AFF2: variants seen among roughly 807,000 people sequenced by gnomAD.
AFF2 encodes AF4/FMR2 family member 2.
In AFF2, 14 loss-of-function variants were observed where a neutral mutation model predicts 76.9. The observed-to-expected ratio is 0.18, with a 90% CI of 0.12 to 0.28. The LOEUF (loss-of-function observed/expected upper bound fraction) is 0.28, where lower values mean the gene tolerates loss of function less well. Ranked by LOEUF, AFF2 falls within the 10% of genes least tolerant of loss-of-function variation. The pLI is 1.00. For missense variants in AFF2, 868 were observed against 1,001.1 expected, an observed-to-expected ratio of 0.87 and a Z score of 1.79; for synonymous variants, 398 against 366.7, an observed-to-expected ratio of 1.09 and a Z score of -0.98.
At chrX:148,884,719 G>A (rs900375423) in intron 7 of AFF2, among the ~76,000 whole-genome samples, 2 of 112,404 alleles carry the variant, frequency 1.8e-5, no homozygotes, top group East Asian at 2.8e-4. Context: ...TGGGAATTAC[G>A]GACTAGTGGG....
intron 3 of AFF2, among the ~76,000 whole-genome samples, chrX:148,680,546 A>C (rs2054536006): frequency 8.9e-6 from 1 of 111,778 alleles, no homozygotes; most frequent in African/African-American, 3.3e-5. Context: ...AAATTAAAAA[A>C]AAAATCAACT....
chrX:148,718,076 A>G (rs2055047971), intron 3 of AFF2, among the ~76,000 whole-genome samples: 1 of 109,767 alleles, frequency 9.1e-6, no homozygotes, highest in Admixed American at 9.7e-5. Flanking sequence ...TATCTCATAT[A>G]AAGGAGTGTG....
rs782435208 is a variant in AFF2, at chrX:148,885,877, A to G, written c.1263-12A>G. On this transcript the variant is annotated splice_polypyrimidine_tract_variant and intron_variant, in intron 7 of 20. Coordinates refer to ENST00000370460, the MANE Select transcript of AFF2 (RefSeq NM_002025.4). ...GCCTTCTAACTCAAACACCACTCTG[A>G]TCTCTTTGTAGGATGCTTGAGGATG... The G allele has an allele frequency of 1.6e-5, 19 of 1,196,039 alleles. No individual in the cohort carries two copies. The highest frequency in any genetic ancestry group is 1.9e-5 in the Non-Finnish European group (17 of 883,106).
intron 4 of AFF2, among the ~76,000 whole-genome samples, chrX:148,828,265 C>T (rs544716486): frequency 9.0e-6 from 1 of 111,517 alleles, no homozygotes; most frequent in Middle Eastern, 4.6e-3. Flanking sequence ...AAGAACTGGC[C>T]CTGAAGAAAC....
At chrX:148,754,473 A>G (rs1250782426) in intron 3 of AFF2, among the ~76,000 whole-genome samples, 1 of 110,770 alleles carries the variant, frequency 9.0e-6, no homozygotes, top group East Asian at 2.8e-4. Flanking sequence ...TCAGGAAGGC[A>G]TGAAGAGGGC....
chrX:148,778,616 G>C (rs1444102700), intron 3 of AFF2, among the ~76,000 whole-genome samples: 4 of 111,542 alleles, frequency 3.6e-5, no homozygotes, highest in Non-Finnish European at 5.7e-5. Flanking sequence ...ATTTCTTCTA[G>C]ATTTTCTAGT....
chrX:148,717,137 A>G (rs1327302186), intron 3 of AFF2, among the ~76,000 whole-genome samples: 3 of 112,018 alleles, frequency 2.7e-5, no homozygotes, highest in Non-Finnish European at 5.6e-5. Flanking sequence ...ATTATTCATA[A>G]TAGCCCCAAA....
In AFF2 at chrX:148,787,312, C is replaced by CTGTG. The variant is rs370207937; in HGVS notation, c.1042-22548_1042-22545dup. On this transcript the variant is annotated intron_variant, in intron 3 of 20. Coordinates refer to ENST00000370460, the MANE Select transcript of AFF2 (RefSeq NM_002025.4). ...TTGTGAGGAACAATCAACATTGCGG[C>CTGTG]TGTGTGTGTGTGTGTGTGTATGTGT... is the stretch of plus-strand genomic sequence containing the variant. Among the ~76,000 whole-genome samples the CTGTG allele has an allele frequency of 5.7e-3, 616 of 108,125 alleles. 2 individuals are homozygous for CTGTG. Among genetic ancestry groups the CTGTG allele is most frequent in the African/African-American group, 0.019 (553 of 29,842 alleles). 93.9% of individuals were successfully genotyped at this position (108,125 alleles called of 115,157 possible).
At chrX:148,911,613 A>T (rs918222832) in intron 9 of AFF2, among the ~76,000 whole-genome samples, 8 of 112,411 alleles carry the variant, frequency 7.1e-5, no homozygotes, top group African/African-American at 2.6e-4. Flanking sequence ...TTACCTAAGG[A>T]TTCCCAAATG....
At chrX:148,709,833 G>A (rs782364803) in intron 3 of AFF2, among the ~76,000 whole-genome samples, 1 of 112,045 alleles carries the variant, frequency 8.9e-6, no homozygotes, top group South Asian at 3.7e-4. Context: ...CCTGTAAAAT[G>A]GGAATTGTAA....
At chrX:148,676,285 A>G (rs2054483308) in intron 3 of AFF2, among the ~76,000 whole-genome samples, 1 of 110,729 alleles carries the variant, frequency 9.0e-6, no homozygotes, top group Admixed American at 9.6e-5. Context: ...TGACCTCGTG[A>G]TCCACCCGCC....
intron 4 of AFF2, among the ~76,000 whole-genome samples, chrX:148,822,704 GGTGTGTGTGT>G (rs36003565): frequency 1.2e-4 from 11 of 92,247 alleles, no homozygotes; most frequent in South Asian, 6.1e-4. Context: ...ATTCCTCCAG[GGTGTGTGTGT>G]GTGTGTGTGT....
chrX:148,684,243 C>G (rs1240431381), intron 3 of AFF2, among the ~76,000 whole-genome samples: 2 of 111,927 alleles, frequency 1.8e-5, no homozygotes, highest in African/African-American at 6.5e-5. Flanking sequence ...TTGTCATAAA[C>G]TAATTAATGC....
intron 1 of AFF2, among the ~76,000 whole-genome samples, chrX:148,651,359 T>G (rs1277997107): frequency 8.9e-6 from 1 of 112,244 alleles, no homozygotes; most frequent in Non-Finnish European, 1.9e-5. Context: ...CAGACCCCTT[T>G]TTTTGTGAAG....
At chrX:148,924,028 C>G (rs984585262) in intron 9 of AFF2, among the ~76,000 whole-genome samples, 7 of 111,708 alleles carry the variant, frequency 6.3e-5, no homozygotes, top group Non-Finnish European at 1.1e-4. Flanking sequence ...AGCAAATAAA[C>G]GAGGCCTAAT....
At chrX:148,672,921 G>C (rs924215776) in intron 3 of AFF2, among the ~76,000 whole-genome samples, 21 of 111,458 alleles carry the variant, frequency 1.9e-4, no homozygotes, top group African/African-American at 6.2e-4. Flanking sequence ...GTAAATGAGA[G>C]GTCAGTAAAA....
At chrX:148,545,346 G>A (rs545729845) in intron 1 of AFF2, among the ~76,000 whole-genome samples, 1 of 111,937 alleles carries the variant, frequency 8.9e-6, no homozygotes, top group East Asian at 2.8e-4. Context: ...TGTGCTTTTT[G>A]TTTATCTTTT....
intron 9 of AFF2, among the ~76,000 whole-genome samples, chrX:148,936,178 C>G (rs1397656911): frequency 9.0e-6 from 1 of 111,023 alleles, no homozygotes; most frequent in Non-Finnish European, 1.9e-5. Flanking sequence ...TATTTATACT[C>G]CTGCAGAAAT....
intron 19 of AFF2, among the ~76,000 whole-genome samples, chrX:148,985,176 G>A (rs1197267553): frequency 9.3e-6 from 1 of 107,347 alleles, no homozygotes; most frequent in Non-Finnish European, 1.9e-5. Context: ...GTAGAGACGG[G>A]GTTTCACCAT....
Sources: allele counts gnomAD v4.1 joint callset (sites outside exome capture counted in the v4.1 genomes callset), GRCh38; gene constraint gnomAD v4.1.1; transcripts MANE v1.5; gene names NCBI Gene and HGNC (gene_info 2026-07-23, HGNC 2026-07-21).